ROBO1: variants seen among roughly 807,000 people sequenced by gnomAD.
ROBO1 encodes the protein roundabout homolog 1.
ROBO1 carries 149 observed loss-of-function variants against 195.9 expected under a neutral mutation model. The ratio of observed to expected loss-of-function variants is 0.76; its 90% CI spans 0.67 to 0.87. The LOEUF is 0.87. Ranked by LOEUF, ROBO1 falls within the 40% of genes least tolerant of loss-of-function variation. The pLI is 0.00. For missense variants in ROBO1, 1,933 were observed against 2,068.3 expected, an observed-to-expected ratio of 0.93 and a Z score of 1.27; for synonymous variants, 816 against 733.2, an observed-to-expected ratio of 1.11 and a Z score of -1.82.
At position 79,352,504 on chromosome 3, in the gene ROBO1, G is replaced by T. The variant is rs534915933; in HGVS notation, c.89-226965C>A. 8.5e-5 allele frequency among the ~76,000 whole-genome samples: 13 copies of T among 152,218 alleles called. No individual in the cohort carries two copies. In the East Asian group the frequency reaches 2.5e-3, roughly 29 times the overall value. ...CGTTAATCAGATTTCACAAGTTTTT[G>T]CCTGCACTCAGTTATTCTAATGCAT... On this transcript the variant is annotated intron_variant, in intron 2 of 30. Coordinates refer to ENST00000464233, the MANE Select transcript of ROBO1 (RefSeq NM_002941.4).
intron 2 of ROBO1, among the ~76,000 whole-genome samples, chr3:79,547,162 C>G (rs11127645): frequency 0.67 from 90,174 of 134,032 alleles, 31,156 homozygotes; most frequent in African/African-American, 0.91. Context: ...TCCAGCCTGG[C>G]AGACAGAGCG....
chr3:78,941,168 C>T (rs116798600), intron 3 of ROBO1, among the ~76,000 whole-genome samples: 1,665 of 152,082 alleles, frequency 0.011, 32 homozygotes, highest in African/African-American at 0.038. Flanking sequence ...ATTTGAAATG[C>T]CAATAGTTGT....
In ROBO1 at chr3:78,772,757, G is replaced by C. The variant is rs140774863; in HGVS notation, c.500-25857C>G. 3.3e-5 allele frequency among the ~76,000 whole-genome samples: 5 copies of C among 152,124 alleles called. No individual in the cohort carries two copies. The East Asian group carries it at 7.7e-4, about 23-fold the overall frequency. On this transcript the variant is annotated intron_variant, in intron 4 of 30. Coordinates refer to ENST00000464233, the MANE Select transcript of ROBO1 (RefSeq NM_002941.4). ...AGGTAAAAACCTGACATTTAGTATG[G>C]AGAAGGTTTGTATTAAGAATTGAAT...
intron 4 of ROBO1, among the ~76,000 whole-genome samples, chr3:78,898,469 C>G (rs1366700711): frequency 2.1e-5 from 3 of 144,896 alleles, no homozygotes; most frequent in South Asian, 2.3e-4. Context: ...CTCACTGCAA[C>G]CTCCGTCTCC....
chr3:79,688,625 G>T (rs969055044), intron 1 of ROBO1, among the ~76,000 whole-genome samples: 10 of 151,480 alleles, frequency 6.6e-5, no homozygotes, highest in Non-Finnish European at 1.5e-4. Flanking sequence ...TTATACTTTC[G>T]CATGTTATTT....
chr3:78,994,326 G>T (rs1354749128), intron 3 of ROBO1, among the ~76,000 whole-genome samples: 1 of 152,136 alleles, frequency 6.6e-6, no homozygotes, highest in Non-Finnish European at 1.5e-5. Context: ...TGGTGAGGAT[G>T]GAAGCATTTT....
chr3:79,115,002 C>G (rs1025838300), intron 3 of ROBO1, among the ~76,000 whole-genome samples: 1 of 152,138 alleles, frequency 6.6e-6, no homozygotes, highest in Non-Finnish European at 1.5e-5. Context: ...TTTAAAAAAG[C>G]AGTGACCTCT....
chr3:79,747,980 T>C (rs1461263734), intron 1 of ROBO1, among the ~76,000 whole-genome samples: 1 of 152,130 alleles, frequency 6.6e-6, no homozygotes, highest in South Asian at 2.1e-4. Flanking sequence ...CAAACTATCC[T>C]AATATTTTCT....
At chr3:79,278,669 C>A (rs1266210124) in intron 2 of ROBO1, among the ~76,000 whole-genome samples, 3 of 152,104 alleles carry the variant, frequency 2.0e-5, no homozygotes, top group Non-Finnish European at 4.4e-5. Context: ...TCGCACTTTT[C>A]ATCCTAAGCA....
chr3:79,715,051 A>T (rs1340190670), intron 1 of ROBO1, among the ~76,000 whole-genome samples: 3 of 152,124 alleles, frequency 2.0e-5, no homozygotes. Flanking sequence ...GAATTACTGC[A>T]ATCTCATGAT....
At chr3:78,652,205 A>G (rs1470544272) in intron 18 of ROBO1, among the ~76,000 whole-genome samples, 1 of 152,186 alleles carries the variant, frequency 6.6e-6, no homozygotes, top group Non-Finnish European at 1.5e-5. Context: ...CGAACCAAAG[A>G]GGTTTGCAGG....
rs77364843 is a variant in ROBO1, at chr3:79,650,156, A to G, written c.-50-60195T>C. ...TATAATATTAAATGCAGATTCTCTGAAAAGTCCAATAAAAACTACAAATCT... is the reference window on the plus strand; with the variant it reads ...TATAATATTAAATGCAGATTCTCTGGAAAGTCCAATAAAAACTACAAATCT... On this transcript the variant is annotated intron_variant, in intron 1 of 30. Coordinates refer to ENST00000464233, the MANE Select transcript of ROBO1 (RefSeq NM_002941.4). Among the ~76,000 whole-genome samples, 371 of 152,120 alleles carry G rather than the reference A, an allele frequency of 2.4e-3. 1 individual carries two copies. The highest frequency in any genetic ancestry group is 8.7e-3 in the African/African-American group (363 of 41,560).
intron 1 of ROBO1, among the ~76,000 whole-genome samples, chr3:79,622,799 C>T (rs956540035): frequency 1.1e-4 from 17 of 152,166 alleles, no homozygotes; most frequent in African/African-American, 2.9e-4. Flanking sequence ...GAGGTACACC[C>T]CCTCCACCAA....
intron 6 of ROBO1, 123 bp downstream of exon 6, chr3:78,717,640 T>C: frequency 8.8e-7 from 1 of 1,142,268 alleles, no homozygotes; most frequent in South Asian, 1.6e-5. Flanking sequence ...ATTTCTTCTC[T>C]CCTCTTTCTA....
At chr3:79,524,698 T>C (rs779926115) in intron 2 of ROBO1, among the ~76,000 whole-genome samples, 19 of 152,142 alleles carry the variant, frequency 1.2e-4, no homozygotes, top group Non-Finnish European at 2.1e-4. Context: ...CAATGTATGT[T>C]TGTTTGTATC....
At chr3:79,065,633 C>T (rs1382530798) in intron 3 of ROBO1, among the ~76,000 whole-genome samples, 2 of 151,858 alleles carry the variant, frequency 1.3e-5, no homozygotes, top group South Asian at 2.1e-4. Flanking sequence ...AAAGGTGAGA[C>T]AATTTAAGCT....
intron 3 of ROBO1, among the ~76,000 whole-genome samples, chr3:79,048,820 G>A (rs537512344): frequency 6.6e-6 from 1 of 152,184 alleles, no homozygotes; most frequent in Non-Finnish European, 1.5e-5. Flanking sequence ...CTGTTAGAAG[G>A]AAAACTAACA....
At chr3:79,384,585 G>T (rs1242468267) in intron 2 of ROBO1, among the ~76,000 whole-genome samples, 1 of 151,930 alleles carries the variant, frequency 6.6e-6, no homozygotes, top group Admixed American at 6.6e-5. Flanking sequence ...TTATTATAAG[G>T]TAGATGAGGC....
At chr3:79,193,829 A>G (rs2081585269) in intron 2 of ROBO1, among the ~76,000 whole-genome samples, 1 of 151,504 alleles carries the variant, frequency 6.6e-6, no homozygotes, top group Admixed American at 6.6e-5. Context: ...ACATTAGCCA[A>G]CAAACAGAAA....
Sources: gnomAD v4.1 joint callset for allele counts (sites outside exome capture counted in the v4.1 genomes callset) on GRCh38, gnomAD v4.1.1 for gene constraint, MANE v1.5 for transcripts, NCBI Gene and HGNC (gene_info 2026-07-23, HGNC 2026-07-21) for gene names.